PPFIA3: variants seen among roughly 807,000 people sequenced by gnomAD.
PPFIA3 encodes the protein PPFI scaffold protein A3.
A neutral mutation model predicts 145.8 loss-of-function variants in PPFIA3; 26 were observed. The ratio of observed to expected loss-of-function variants is 0.18; its 90% CI spans 0.13 to 0.25. The LOEUF (loss-of-function observed/expected upper bound fraction) is 0.25, where lower values mean the gene tolerates loss of function less well. Ranked by LOEUF, PPFIA3 falls within the 10% of genes least tolerant of loss-of-function variation. PPFIA3 has a pLI of 1.00. For synonymous variants in PPFIA3, 645 were observed against 661.4 expected (o/e 0.98, Z 0.38); for missense variants, 1,008 against 1,587.8 (o/e 0.63, Z 6.21).
Position 49,130,491 on chromosome 19 carries a change from G to T in PPFIA3, c.771G>T (p.Ala257=). The change falls in exon 7 of 30, where the codon GCG becomes GCT. Residue 257 remains alanine, a synonymous_variant. Transcript: ENST00000334186. The surrounding 1 kb of genome is among the most constrained non-coding windows in gnomAD (Gnocchi z 4.5). ...TGTGCCAGCTGCGGGAGCGCCTGGC[G>T]GTGCTGTGCCGTCAGATGAGCCAGC... The part of the protein sequence containing the change: ...AEVCQLRERL[A]VLCRQMSQLE... The T allele has an allele frequency of 6.2e-7, 1 of 1,601,308 alleles. No individual in the cohort carries two copies. The highest frequency in any genetic ancestry group is 8.5e-7 in the Non-Finnish European group (1 of 1,174,856).
In PPFIA3 at chr19:49,135,872, T is replaced by C; in HGVS notation, c.1614T>C (p.Gly538=). ...AHLDPYVAGS[G]RAGKRGRWSG... Reference sequence around the variant, plus strand: ...TGGATCCCTATGTGGCTGGCAGTGGTCGGGCAGGCAAGAGGGGCCGCTGGT... The same window carrying C: ...TGGATCCCTATGTGGCTGGCAGTGGCCGGGCAGGCAAGAGGGGCCGCTGGT... Residue 538 remains glycine (G), a synonymous_variant, in exon 14 of 30, where the codon GGT becomes GGC. Coordinates refer to ENST00000334186, the MANE Select transcript of PPFIA3 (RefSeq NM_003660.4). The C allele has an allele frequency of 1.2e-6, 2 of 1,613,656 alleles. No homozygotes were observed. The highest frequency in any genetic ancestry group is 4.5e-5 in the East Asian group (2 of 44,850).
rs1195957764 is a variant in PPFIA3, at chr19:49,144,724, A to AAAC, written c.2746-1219_2746-1218insAAC. Among the ~76,000 whole-genome samples the AAAC allele has an allele frequency of 2.0e-5, 3 of 151,808 alleles. No individual in the cohort carries two copies. In the South Asian group the frequency reaches 6.3e-4, roughly 32 times the overall value. The stretch of plus-strand genomic sequence containing the variant: ...GAAAGAGTGCATCCAAAAAAAAAAA[A>AAAC]GTTTAGAATTTTGGAGCATTTTGGA... On this transcript the variant is annotated intron_variant, in intron 21 of 29. Transcript: ENST00000334186.
chr19:49,134,495 C>G (rs1321458544), intron 11 of PPFIA3, 144 bp from the exon 12 acceptor site: 1 of 802,452 alleles, frequency 1.2e-6, no homozygotes, highest in Non-Finnish European at 2.1e-6. Context: ...ATCGTTGCCC[C>G]TGCTCCCCCG....
chr19:49,125,046 G>A (rs970714778), intron 1 of PPFIA3, among the ~76,000 whole-genome samples: 35 of 152,032 alleles, frequency 2.3e-4, no homozygotes, highest in Non-Finnish European at 4.9e-4. Context: ...CAGCCTGGGC[G>A]ATAGAGTGAG....
Position 49,128,675 on chromosome 19 carries a change from C to A in PPFIA3, c.343-173C>A. ...CCTGTCTCCATAACTTTTCTCTTTT[C>A]TGTACCACCGGTTCCTTGACCCCGA... On this transcript the variant is annotated intron_variant, in intron 3 of 29. Transcript: ENST00000334186. This position sits in a 1 kb window ranked among gnomAD's most constrained non-coding sequence, Gnocchi z 4.1. 1.3e-6 allele frequency: 1 copy of A among 778,896 alleles called. No homozygotes were observed. Among genetic ancestry groups the A allele is most frequent in the Non-Finnish European group, 2.0e-6 (1 of 495,452 alleles). The allele number at this position is 778,896 out of a possible 1,614,324, so 48.2% of individuals were successfully genotyped here.
chr19:49,131,927 G>A (rs1222863260), intron 7 of PPFIA3, among the ~76,000 whole-genome samples: 1 of 150,748 alleles, frequency 6.6e-6, no homozygotes, highest in African/African-American at 2.4e-5. Flanking sequence ...GGAGAATGGC[G>A]TGAACCCGGG....
intron 7 of PPFIA3, among the ~76,000 whole-genome samples, chr19:49,132,009 CAAAAAAAAA>C (rs34793375): frequency 1.0e-4 from 7 of 69,892 alleles, no homozygotes; most frequent in African/African-American, 2.3e-4. Context: ...GACTCCGTCT[CAAAAAAAAA>C]AAAAAAAAAA....
chr19:49,130,975 C>T lies in PPFIA3; in HGVS notation c.879+376C>T, dbSNP rs2041062422. 6.6e-6 allele frequency among the ~76,000 whole-genome samples: 1 copy of T among 150,904 alleles called. No homozygotes were observed. The highest frequency in any genetic ancestry group is 1.9e-4 in the East Asian group (1 of 5,142). ...CTCCCGGGTTCAAGAGATTCTCCTG[C>T]CTCAGCCTCCCAAGTAGCTAGAACT... On this transcript the variant is annotated intron_variant, in intron 7 of 29. Transcript: ENST00000334186. This position sits in a 1 kb window ranked among gnomAD's most constrained non-coding sequence, Gnocchi z 4.5.
chr19:49,142,896 C>T lies in PPFIA3; in HGVS notation c.2637C>T (p.Ile879=). ...AIMANLSDTE[I]QREIGISNPL... ...TGGCCAACCTGTCAGACACGGAGAT[C>T]CAGCGCGAGATCGGCATCAGCAACC... The change falls in exon 21 of 30, where the codon ATC becomes ATT. Residue 879 remains isoleucine, a synonymous_variant. Coordinates refer to ENST00000334186, the MANE Select transcript of PPFIA3 (RefSeq NM_003660.4). 6.2e-7 allele frequency: 1 copy of T among 1,613,972 alleles called. No homozygotes were observed. The highest frequency in any genetic ancestry group is 1.1e-5 in the South Asian group (1 of 91,072).
chr19:49,138,010 G>A (rs1027552921), intron 15 of PPFIA3, among the ~76,000 whole-genome samples, 195 bp from the exon 16 acceptor site: 1 of 152,030 alleles, frequency 6.6e-6, no homozygotes, highest in African/African-American at 2.4e-5. Flanking sequence ...ATGACTTCCT[G>A]AGACTCTCAG....
chr19:49,133,099 C>G lies in PPFIA3; in HGVS notation c.978C>G (p.Asn326Lys), dbSNP rs776895670. The G allele has an allele frequency of 1.9e-6, 3 of 1,612,458 alleles. No individual in the cohort carries two copies. The highest frequency in any genetic ancestry group is 2.5e-6 in the Non-Finnish European group (3 of 1,179,578). Residue 326 changes from asparagine (N) to lysine (K), a missense_variant, in exon 8 of 30, where the codon AAC becomes AAG. By Grantham distance (94) the Asn-to-Lys change is moderately conservative. This residue lies in a region of PPFIA3 where 109 missense variants were observed against 198.1 expected (regional missense o/e 0.55). Coordinates refer to ENST00000334186, the MANE Select transcript of PPFIA3 (RefSeq NM_003660.4). The surrounding 1 kb of genome is among the most constrained non-coding windows in gnomAD (Gnocchi z 7.2). The stretch of plus-strand genomic sequence containing the variant: ...AGGCCACGTCTCTGCACGACGCCAA[C>G]GACAAACTGGAGAACGAGTTAGCTA... ...QREATSLHDA[N>K]DKLENELASK... is the part of the protein sequence containing the mutation.
chr19:49,130,099 C>G lies in PPFIA3; in HGVS notation c.657+32C>G, dbSNP rs2041050579. ...CATGGAAGTCCCCTCTCCGTGAGCTCCATTCAACTCCCTGACTTTGTGATA... is the reference window on the plus strand; with the variant it reads ...CATGGAAGTCCCCTCTCCGTGAGCTGCATTCAACTCCCTGACTTTGTGATA... On this transcript the variant is annotated intron_variant, in intron 6 of 29. Transcript: ENST00000334186. The surrounding 1 kb of genome is among the most constrained non-coding windows in gnomAD (Gnocchi z 4.5). 4 of 1,584,768 alleles carry G rather than the reference C, an allele frequency of 2.5e-6. No individual in the cohort carries two copies. Among genetic ancestry groups the G allele is most frequent in the South Asian group, 2.2e-5 (2 of 89,750 alleles).
chr19:49,136,967 C>A, intron 15 of PPFIA3, 56 bp downstream of exon 15: 2 of 1,419,248 alleles, frequency 1.4e-6, no homozygotes, highest in East Asian at 2.6e-5. Flanking sequence ...ACTCCACAGC[C>A]CTTCTGGCTC....
chr19:49,137,094 G>A (rs547696316), intron 15 of PPFIA3, 183 bp downstream of exon 15: 62 of 519,634 alleles, frequency 1.2e-4, no homozygotes, highest in Middle Eastern at 5.3e-4. Context: ...AGTCTTCTAT[G>A]TGCTACCTAC....
At chr19:49,138,076 T>C in intron 15 of PPFIA3, 129 bp from the exon 16 acceptor site, 1 of 1,382,420 alleles carries the variant, frequency 7.2e-7, no homozygotes. Context: ...CAAAGTCCTC[T>C]GACGTCATTG....
chr19:49,132,428 A>G (rs1358466775), intron 7 of PPFIA3, among the ~76,000 whole-genome samples: 1 of 143,512 alleles, frequency 7.0e-6, no homozygotes, highest in African/African-American at 2.5e-5. Flanking sequence ...AAAGAAAGAG[A>G]GAGAGAGAAC....
chr19:49,122,608 A>C (rs1452605701), intron 1 of PPFIA3, among the ~76,000 whole-genome samples: 1 of 151,926 alleles, frequency 6.6e-6, no homozygotes, highest in African/African-American at 2.4e-5. Flanking sequence ...AGGCTTCCTA[A>C]TTCGTGCCAT....
chr19:49,140,645 T>G (rs1368902539), intron 18 of PPFIA3, among the ~76,000 whole-genome samples: 33 of 120,166 alleles, frequency 2.7e-4, no homozygotes, highest in Non-Finnish European at 5.0e-4. Context: ...TTACCTTTTT[T>G]TTTTTTTTTT....
In PPFIA3 at chr19:49,134,236, A is replaced by G. The variant is rs531750612; in HGVS notation, c.1377+71A>G. 175 of 1,534,244 alleles carry G rather than the reference A, an allele frequency of 1.1e-4. 2 individuals are homozygous for G. The South Asian group carries it at 2.1e-3, about 19-fold the overall frequency. On this transcript the variant is annotated intron_variant, in intron 11 of 29. Coordinates refer to ENST00000334186, the MANE Select transcript of PPFIA3 (RefSeq NM_003660.4). ...CCTCTTGCTGGAATCCTGGGGCCCC[A>G]GGCCTTTCCCTCAGATCTGTTATCG...
Sources: gnomAD v4.1 joint callset for allele counts (sites outside exome capture counted in the v4.1 genomes callset) on GRCh38, gnomAD v4.1.1 for gene constraint, gnomAD v4.1.1 regional missense constraint, Gnocchi (gnomAD v3.1) non-coding constraint, MANE v1.5 for transcripts, NCBI Gene and HGNC (gene_info 2026-07-23, HGNC 2026-07-21) for gene names.